PIP4K2A: variants seen among roughly 807,000 people sequenced by gnomAD.
PIP4K2A encodes the protein phosphatidylinositol 5-phosphate 4-kinase type-2 alpha.
PIP4K2A carries 14 observed loss-of-function variants against 42.9 expected under a neutral mutation model. The observed-to-expected ratio is 0.33, with a 90% CI of 0.22 to 0.51. PIP4K2A has a LOEUF of 0.51. PIP4K2A is among the 20% of genes least tolerant of loss of function. The pLI, the probability that PIP4K2A is intolerant of heterozygous loss-of-function variation, is 0.97. For missense variants in PIP4K2A, 434 were observed against 519.8 expected (o/e 0.83, Z 1.61); for synonymous variants, 192 against 192.2 (o/e 1.00, Z 0.01).
rs1319128154 is a variant in PIP4K2A at position 22,537,198 on chromosome 10, A to G, written c.*3T>C. On this transcript the variant is annotated 3_prime_UTR_variant, in exon 10 of 10. Coordinates refer to ENST00000376573, the MANE Select transcript of PIP4K2A (RefSeq NM_005028.5). ...TCATGTCTGTCCGAGGCTGCGCAGG[A>G]GGTTACGTCAAGATGTGGCCAATAA... The G allele has an allele frequency of 1.9e-6, 3 of 1,598,266 alleles. No individual in the cohort carries two copies. The South Asian group carries it at 3.4e-5, about 18-fold the overall frequency.
intron 1 of PIP4K2A, among the ~76,000 whole-genome samples, chr10:22,682,205 T>C (rs1212937917): frequency 6.6e-6 from 1 of 152,006 alleles, no homozygotes; most frequent in Non-Finnish European, 1.5e-5. Flanking sequence ...CACACAACCC[T>C]TAGCTACTGA....
chr10:22,580,537 A>G (rs1837247782), intron 4 of PIP4K2A, among the ~76,000 whole-genome samples: 1 of 150,326 alleles, frequency 6.7e-6, no homozygotes, highest in Non-Finnish European at 1.5e-5. Context: ...TACTGGGGGT[A>G]CCACAATGCC....
chr10:22,593,355 A>T (rs1222952766), intron 3 of PIP4K2A, among the ~76,000 whole-genome samples: 1 of 152,250 alleles, frequency 6.6e-6, no homozygotes, highest in African/African-American at 2.4e-5. Flanking sequence ...AGGAAAAAAA[A>T]AAATCTACAT....
chr10:22,702,346 T>C (rs1436200402), intron 1 of PIP4K2A, among the ~76,000 whole-genome samples: 1 of 152,248 alleles, frequency 6.6e-6, no homozygotes, highest in Non-Finnish European at 1.5e-5. Context: ...CACTTCTGAA[T>C]ACTACAATTT....
intron 7 of PIP4K2A, among the ~76,000 whole-genome samples, chr10:22,549,311 T>C (rs1311601609): frequency 1.3e-5 from 2 of 152,120 alleles, no homozygotes; most frequent in African/African-American, 2.4e-5. Flanking sequence ...GAAATACAAA[T>C]GTATGACACT....
At chr10:22,585,957 C>T (rs751005624) in intron 4 of PIP4K2A, among the ~76,000 whole-genome samples, 9 of 143,952 alleles carry the variant, frequency 6.3e-5, no homozygotes, top group South Asian at 2.2e-4. Context: ...AATGAATTCA[C>T]GTCAGTGCGG....
intron 6 of PIP4K2A, among the ~76,000 whole-genome samples, chr10:22,566,063 G>A (rs151297653): frequency 2.0e-4 from 30 of 152,222 alleles, no homozygotes; most frequent in Non-Finnish European, 3.5e-4. Flanking sequence ...CTGTGGTCTC[G>A]ACCTGCCTCC....
At chr10:22,573,533 C>A in intron 4 of PIP4K2A, 76 bp from the exon 5 acceptor site, 2 of 1,281,730 alleles carry the variant, frequency 1.6e-6, no homozygotes, top group South Asian at 2.9e-5. Context: ...ATACATACGC[C>A]TATGGTGTTC....
At chr10:22,675,947 T>C (rs1839548902) in intron 1 of PIP4K2A, among the ~76,000 whole-genome samples, 1 of 152,224 alleles carries the variant, frequency 6.6e-6, no homozygotes, top group Non-Finnish European at 1.5e-5. Context: ...CTTTGGAAAC[T>C]GTGGCTAGTA....
chr10:22,680,105 T>TA (rs568163082), intron 1 of PIP4K2A, among the ~76,000 whole-genome samples: 47 of 151,090 alleles, frequency 3.1e-4, no homozygotes, highest in Non-Finnish European at 5.3e-4. Flanking sequence ...AGGATTCCTT[T>TA]AAAAAAAAAT....
intron 1 of PIP4K2A, among the ~76,000 whole-genome samples, chr10:22,664,172 T>TATACATATAC (rs1839294135): frequency 1.4e-5 from 1 of 74,006 alleles, no homozygotes; most frequent in African/African-American, 8.9e-5. Context: ...TATATACATA[T>TATACATATAC]ATATATATAC....
chr10:22,627,948 G>A (rs1838479966), intron 1 of PIP4K2A, among the ~76,000 whole-genome samples: 1 of 152,148 alleles, frequency 6.6e-6, no homozygotes, highest in Admixed American at 6.5e-5. Flanking sequence ...TAAGGGTGGG[G>A]ACTAGATCTA....
At chr10:22,619,097 G>A (rs1564445326) in intron 1 of PIP4K2A, among the ~76,000 whole-genome samples, 1 of 151,924 alleles carries the variant, frequency 6.6e-6, no homozygotes, top group African/African-American at 2.4e-5. Flanking sequence ...TCACCAACTT[G>A]AGCACCAGCT....
At chr10:22,607,381 C>A (rs976855605) in intron 3 of PIP4K2A, among the ~76,000 whole-genome samples, 2 of 152,178 alleles carry the variant, frequency 1.3e-5, no homozygotes, top group South Asian at 4.1e-4. Flanking sequence ...CCACAGGACA[C>A]GCCCAGGATG....
chr10:22,638,464 TTAAG>T (rs1237036910), intron 1 of PIP4K2A, among the ~76,000 whole-genome samples: 1 of 152,068 alleles, frequency 6.6e-6, no homozygotes, highest in Non-Finnish European at 1.5e-5. Flanking sequence ...AAATTATTAT[TTAAG>T]TATGTCTTAA....
At chr10:22,666,362 G>A (rs1425058709) in intron 1 of PIP4K2A, among the ~76,000 whole-genome samples, 4 of 152,094 alleles carry the variant, frequency 2.6e-5, no homozygotes, top group Non-Finnish European at 5.9e-5. Flanking sequence ...GGAGAAAAAC[G>A]TACCCTCATA....
intron 1 of PIP4K2A, among the ~76,000 whole-genome samples, chr10:22,696,087 A>T (rs1226127936): frequency 6.6e-6 from 1 of 152,216 alleles, no homozygotes; most frequent in Admixed American, 6.5e-5. Context: ...GGGACATAAT[A>T]TTTTAAAACC....
intron 6 of PIP4K2A, among the ~76,000 whole-genome samples, chr10:22,552,856 T>C (rs1177154637): frequency 6.6e-6 from 1 of 151,992 alleles, no homozygotes; most frequent in Non-Finnish European, 1.5e-5. Flanking sequence ...ATTTTATAAG[T>C]GTAAGAAAAG....
chr10:22,626,195 T>C (rs1385073362), intron 1 of PIP4K2A, among the ~76,000 whole-genome samples: 2 of 152,170 alleles, frequency 1.3e-5, no homozygotes, highest in African/African-American at 2.4e-5. Flanking sequence ...AGCATTTTGA[T>C]ATCTAAATCC....
Sources: allele counts gnomAD v4.1 joint callset (sites outside exome capture counted in the v4.1 genomes callset), GRCh38; gene constraint gnomAD v4.1.1; transcripts MANE v1.5; gene names NCBI Gene and HGNC (gene_info 2026-07-23, HGNC 2026-07-21).